The following MAGED1 variants were observed in gnomAD, a reference collection of about 807,000 sequenced individuals.
MAGED1 encodes MAGE family member D1.
A neutral mutation model predicts 54.1 loss-of-function variants in MAGED1; 3 were observed. That is an observed-to-expected ratio of 0.06 (90% CI 0.03 to 0.14). MAGED1 has a LOEUF of 0.14. Among genes scored for constraint, MAGED1 ranks in the 10% least tolerant of loss-of-function variants. MAGED1 has a pLI of 1.00. For synonymous variants in MAGED1, 217 were observed against 227.3 expected (o/e 0.95, Z 0.41); for missense variants, 485 against 623.4 (o/e 0.78, Z 2.36).
intron 1 of MAGED1, among the ~76,000 whole-genome samples, chrX:51,870,264 T>C (rs1927619155): frequency 8.9e-6 from 1 of 112,330 alleles, no homozygotes; most frequent in Non-Finnish European, 1.9e-5. Context: ...CAGACTCTTA[T>C]TTCACAAAAG....
chrX:51,807,660 C>G lies in MAGED1; in HGVS notation c.-37+4543C>G, dbSNP rs145374572. On this transcript the variant is annotated intron_variant, in intron 1 of 12. Coordinates refer to the MAGED1 transcript ENST00000375772. ...TTGTTGAAGTGACATTCAGTCAACCCCAAACCACTTATTGAAAAGATCATT... is the reference window on the plus strand; with the variant it reads ...TTGTTGAAGTGACATTCAGTCAACCGCAAACCACTTATTGAAAAGATCATT... 1.6e-3 allele frequency among the ~76,000 whole-genome samples: 173 copies of G among 111,007 alleles called. 1 individual carries two copies. The highest frequency in any genetic ancestry group is 5.4e-3 in the African/African-American group (165 of 30,564).
intron 1 of MAGED1, among the ~76,000 whole-genome samples, chrX:51,873,677 C>T (rs1569555910): frequency 9.0e-6 from 1 of 110,628 alleles, no homozygotes; most frequent in East Asian, 2.8e-4. Flanking sequence ...CTTTTCCTTA[C>T]CTGAAACAAG....
At chrX:51,877,849 T>C (rs1927927449) in intron 1 of MAGED1, among the ~76,000 whole-genome samples, 1 of 112,017 alleles carries the variant, frequency 8.9e-6, no homozygotes, top group African/African-American at 3.2e-5. Flanking sequence ...TTTCAGATGA[T>C]TTTTCTTTTA....
chrX:51,884,371 T>C (rs1353022110), intron 1 of MAGED1, among the ~76,000 whole-genome samples: 1 of 111,749 alleles, frequency 8.9e-6, no homozygotes, highest in Admixed American at 9.5e-5. Context: ...AAGAAAAGAC[T>C]CATTAACCTG....
chrX:51,864,189 AGTGTGTGT>A (rs141456748), intron 1 of MAGED1, among the ~76,000 whole-genome samples: 3 of 100,429 alleles, frequency 3.0e-5, no homozygotes, highest in African/African-American at 7.2e-5. Flanking sequence ...AGAGAGAGAG[AGTGTGTGT>A]GTGTGTGTGT....
At chrX:51,901,186 T>C (rs939613089) in intron 11 of MAGED1, among the ~76,000 whole-genome samples, 1 of 112,131 alleles carries the variant, frequency 8.9e-6, no homozygotes, top group Non-Finnish European at 1.9e-5. Context: ...ATATTCTTCC[T>C]ATCTAAATGA....
rs782478406 is a variant in MAGED1, at chrX:51,897,756, G to C, written c.1567-39G>C. 20 of 1,115,155 alleles carry C rather than the reference G, an allele frequency of 1.8e-5. No homozygotes were observed. The South Asian group carries it at 2.8e-4, about 16-fold the overall frequency. The allele number at this position is 1,115,155 out of a possible 1,213,427, so 91.9% of individuals were successfully genotyped here. On this transcript the variant is annotated intron_variant, in intron 6 of 12. Coordinates refer to ENST00000326587, the MANE Select transcript of MAGED1 (RefSeq NM_006986.4). ...GTCTGCCTATGGGTAGCTTATGCTA[G>C]ATGTTGTAATTTCATAGTCTGTTTT...
chrX:51,804,089 G>A (rs969186619), intron 1 of MAGED1, among the ~76,000 whole-genome samples: 2 of 112,302 alleles, frequency 1.8e-5, no homozygotes, highest in Non-Finnish European at 3.8e-5. Context: ...AGCTTTGCAA[G>A]TATTACACAA....
At chrX:51,880,297 A>G (rs915463333) in intron 1 of MAGED1, among the ~76,000 whole-genome samples, 13 of 111,878 alleles carry the variant, frequency 1.2e-4, no homozygotes, top group African/African-American at 3.6e-4. Flanking sequence ...ACAGACATTG[A>G]TGAACAAATA....
At chrX:51,889,885 G>C (rs183152339), upstream of MAGED1, among the ~76,000 whole-genome samples, 1 of 112,051 alleles carries the variant, frequency 8.9e-6, no homozygotes, top group Non-Finnish European at 1.9e-5. Flanking sequence ...CAGCAGGTCT[G>C]CAATGTTCAA....
chrX:51,882,383 A>G (rs1362853350), intron 1 of MAGED1, among the ~76,000 whole-genome samples: 1 of 111,779 alleles, frequency 8.9e-6, no homozygotes, highest in Non-Finnish European at 1.9e-5. Flanking sequence ...TTCCAGAAAG[A>G]AGTAGTAAAC....
chrX:51,833,408 T>G (rs1342562710), intron 1 of MAGED1, among the ~76,000 whole-genome samples: 1 of 111,459 alleles, frequency 9.0e-6, no homozygotes, highest in South Asian at 3.8e-4. Context: ...TCTTAGTAAG[T>G]GTGCTGTTGC....
intron 1 of MAGED1, among the ~76,000 whole-genome samples, chrX:51,887,007 G>GA (rs1928259098): frequency 9.4e-6 from 1 of 106,883 alleles, no homozygotes; most frequent in Non-Finnish European, 1.9e-5. Flanking sequence ...AGTAAGCCAT[G>GA]ATCGCACCAT....
intron 1 of MAGED1, among the ~76,000 whole-genome samples, chrX:51,852,456 A>T (rs369329944): frequency 8.9e-6 from 1 of 112,098 alleles, no homozygotes; most frequent in Admixed American, 9.5e-5. Context: ...CCTAATTAGA[A>T]TTACACATCT....
intron 8 of MAGED1, 24 bp from the exon 9 acceptor site, chrX:51,898,261 G>T: frequency 2.5e-6 from 3 of 1,210,236 alleles, no homozygotes; most frequent in East Asian, 3.0e-5. Flanking sequence ...TCCGTCCCTT[G>T]TCTCCCCTTG....
chrX:51,821,015 T>C (rs781853218), intron 1 of MAGED1, among the ~76,000 whole-genome samples: 1 of 111,854 alleles, frequency 8.9e-6, no homozygotes, highest in Non-Finnish European at 1.9e-5. Context: ...AGTGAGATCA[T>C]GTGCTGTTTG....
intron 1 of MAGED1, among the ~76,000 whole-genome samples, chrX:51,869,958 A>T (rs1405057151): frequency 4.5e-5 from 5 of 110,615 alleles, no homozygotes; most frequent in Non-Finnish European, 7.6e-5. Context: ...TGCAGCCTAA[A>T]CTCCTGGGGT....
chrX:51,865,039 G>A (rs1927413692), intron 1 of MAGED1, among the ~76,000 whole-genome samples: 2 of 112,226 alleles, frequency 1.8e-5, no homozygotes, highest in African/African-American at 6.5e-5. Flanking sequence ...TGATCTTAGA[G>A]GAAAAGCTTA....
rs1928808604 is a variant in MAGED1, at chrX:51,897,371, T to G, written c.1486+100T>G. ...TAGCTCTGCCCTTCCCTTCACTCCA[T>G]GCTCTGTCGGCATTCTTCTGCTTGT... is the stretch of plus-strand genomic sequence containing the variant. On this transcript the variant is annotated intron_variant, in intron 5 of 12. Coordinates refer to ENST00000326587, the MANE Select transcript of MAGED1 (RefSeq NM_006986.4). 3.4e-6 allele frequency: 3 copies of G among 871,923 alleles called. No individual in the cohort carries two copies. The South Asian group carries it at 6.6e-5, about 19-fold the overall frequency. The allele number at this position is 871,923 out of a possible 1,213,427, so 71.9% of individuals were successfully genotyped here. A position where few individuals can be genotyped will look rare whatever the true frequency, so the allele number is the denominator to read the frequency against.
Sources: gnomAD v4.1 joint callset for allele counts (sites outside exome capture counted in the v4.1 genomes callset) on GRCh38, gnomAD v4.1.1 for gene constraint, MANE v1.5 for transcripts, NCBI Gene and HGNC (gene_info 2026-07-23, HGNC 2026-07-21) for gene names.